ASIC2: variants seen among roughly 807,000 people sequenced by gnomAD.
ASIC2 encodes the protein acid-sensing ion channel 2.
A neutral mutation model predicts 57.3 loss-of-function variants in ASIC2; 25 were observed. That is an observed-to-expected ratio of 0.44 (90% CI 0.32 to 0.61). The LOEUF (loss-of-function observed/expected upper bound fraction) is 0.61. Ranked by LOEUF, ASIC2 falls within the 20% of genes least tolerant of loss-of-function variation. The pLI is 0.06. For missense variants in ASIC2, 641 were observed against 738.1 expected, an observed-to-expected ratio of 0.87 and a Z score of 1.52; for synonymous variants, 319 against 307.5, an observed-to-expected ratio of 1.04 and a Z score of -0.39.
intron 1 of ASIC2, among the ~76,000 whole-genome samples, chr17:33,225,215 T>C (rs920085510): frequency 7.9e-5 from 12 of 152,212 alleles, no homozygotes; most frequent in Admixed American, 4.6e-4. Flanking sequence ...ATGTTTGTTA[T>C]AGCAAGAAAC....
chr17:33,545,466 G>A (rs776503747), intron 1 of ASIC2, among the ~76,000 whole-genome samples: 3 of 152,046 alleles, frequency 2.0e-5, no homozygotes, highest in African/African-American at 4.8e-5. Flanking sequence ...TATTTTACCC[G>A]AGACGCGGAT....
chr17:33,645,498 C>G (rs918863627), intron 1 of ASIC2, among the ~76,000 whole-genome samples: 8 of 152,164 alleles, frequency 5.3e-5, no homozygotes, highest in African/African-American at 1.9e-4. Context: ...AACCTCAGTC[C>G]CAGACAAGCT....
intron 1 of ASIC2, among the ~76,000 whole-genome samples, chr17:34,048,595 C>T (rs1908424826): frequency 6.6e-6 from 1 of 152,224 alleles, no homozygotes; most frequent in Admixed American, 6.5e-5. Context: ...TTCTGAATCC[C>T]AGTTCTGGCA....
rs1205429633 is a variant in ASIC2, at chr17:33,062,438, G to A, written c.987+26425C>T. Among the ~76,000 whole-genome samples the A allele has an allele frequency of 2.0e-4, 30 of 152,202 alleles. 1 individual carries two copies. The highest frequency in any genetic ancestry group is 2.0e-3 in the Admixed American group (30 of 15,284). On this transcript the variant is annotated intron_variant, in intron 3 of 9. Coordinates refer to ENST00000225823, the MANE Select transcript of ASIC2 (RefSeq NM_183377.2). ...TTATGTACACAGTAGTCATTCAGGA[G>A]CAGCTTGTTCAGTTTCCAGGTAGTT... is the stretch of plus-strand genomic sequence containing the variant.
intron 1 of ASIC2, among the ~76,000 whole-genome samples, chr17:33,458,846 T>A (rs1381789477): frequency 6.6e-6 from 1 of 152,172 alleles, no homozygotes; most frequent in Non-Finnish European, 1.5e-5. Context: ...ATATCTTTAA[T>A]TTTCTTTTCC....
intron 1 of ASIC2, among the ~76,000 whole-genome samples, chr17:33,645,551 T>A (rs1431091289): frequency 6.6e-6 from 1 of 152,148 alleles, no homozygotes; most frequent in East Asian, 1.9e-4. Flanking sequence ...CTGACCAGCT[T>A]TTCTGGAGCC....
At chr17:33,880,279 GAC>G (rs1207499275) in intron 1 of ASIC2, among the ~76,000 whole-genome samples, 2 of 152,016 alleles carry the variant, frequency 1.3e-5, no homozygotes, top group Non-Finnish European at 2.9e-5. Context: ...AGGAAATAGA[GAC>G]ACAAAAAACC....
At chr17:34,111,466 C>G (rs1044728142) in intron 1 of ASIC2, among the ~76,000 whole-genome samples, 18 of 151,914 alleles carry the variant, frequency 1.2e-4, no homozygotes, top group Admixed American at 1.1e-3. Flanking sequence ...TGTCAAAATT[C>G]AAAAGTATAT....
At chr17:33,095,158 C>T (rs3928996) in intron 2 of ASIC2, among the ~76,000 whole-genome samples, 70,160 of 151,998 alleles carry the variant, frequency 0.46, 16,865 homozygotes, top group African/African-American at 0.6. Flanking sequence ...ACCATCATCA[C>T]CATGAATTCA....
At chr17:33,971,770 T>C (rs1021588469) in intron 1 of ASIC2, among the ~76,000 whole-genome samples, 1 of 152,212 alleles carries the variant, frequency 6.6e-6, no homozygotes, top group Admixed American at 6.5e-5. Flanking sequence ...GGACTCAAAC[T>C]TGGATCTTCA....
At chr17:33,698,416 T>C (rs187113576) in intron 1 of ASIC2, among the ~76,000 whole-genome samples, 14 of 152,324 alleles carry the variant, frequency 9.2e-5, no homozygotes, top group African/African-American at 3.1e-4. Context: ...GTCTGGCACA[T>C]AGGAAGTTTT....
At chr17:33,762,248 C>T (rs1344343928) in intron 1 of ASIC2, among the ~76,000 whole-genome samples, 1 of 152,096 alleles carries the variant, frequency 6.6e-6, no homozygotes, top group Non-Finnish European at 1.5e-5. Context: ...CACATTGGGT[C>T]CTGGGACCCA....
intron 1 of ASIC2, among the ~76,000 whole-genome samples, chr17:34,113,545 G>A (rs1273629836): frequency 1.4e-5 from 2 of 148,060 alleles, no homozygotes; most frequent in South Asian, 2.2e-4. Flanking sequence ...TATGGCAACA[G>A]AACAAAACTC....
rs73273250 is a variant in ASIC2 at position 33,497,882 on chromosome 17, C to T, written c.556-385815G>A. Among the ~76,000 whole-genome samples, 733 of 152,280 alleles carry T rather than the reference C, an allele frequency of 4.8e-3. 9 individuals carry two copies. Among genetic ancestry groups the T allele is most frequent in the African/African-American group, 0.017 (704 of 41,548 alleles). Reference sequence around the variant, plus strand: ...GTGTCACTAGAAGGCCAGATATGGGCACCTCTCTTCCCCACAAGCTCTGAA... The same window carrying T: ...GTGTCACTAGAAGGCCAGATATGGGTACCTCTCTTCCCCACAAGCTCTGAA... On this transcript the variant is annotated intron_variant, in intron 1 of 9. Coordinates refer to the ASIC2 transcript ENST00000359872.
At position 33,656,527 on chromosome 17, in the gene ASIC2, C is replaced by T. The variant is rs543648387; in HGVS notation, c.555+499451G>A. 3.9e-5 allele frequency among the ~76,000 whole-genome samples: 6 copies of T among 152,316 alleles called. No individual in the cohort carries two copies. The East Asian group carries it at 1.2e-3, about 29-fold the overall frequency. Reference sequence around the variant, plus strand: ...CAGCAAGTCTGAAGTATGCCCACTGCACTTAGTGGGTATCTCCAAACCTGC... The same window carrying T: ...CAGCAAGTCTGAAGTATGCCCACTGTACTTAGTGGGTATCTCCAAACCTGC... On this transcript the variant is annotated intron_variant, in intron 1 of 9. Transcript: ENST00000359872.
intron 1 of ASIC2, among the ~76,000 whole-genome samples, chr17:33,851,674 T>C (rs1235659353): frequency 6.6e-6 from 1 of 152,168 alleles, no homozygotes; most frequent in Non-Finnish European, 1.5e-5. Flanking sequence ...CCTCGTAGGA[T>C]ATTTAGCTCA....
chr17:33,856,484 C>CAGTAGCAGTGGTGGTGGTGGTAGT (rs1913937694), intron 1 of ASIC2, among the ~76,000 whole-genome samples: 3 of 16,504 alleles, frequency 1.8e-4, no homozygotes, highest in South Asian at 3.0e-3. Flanking sequence ...GTGGTGGTGG[C>CAGTAGCAGTGGTGGTGGTGGTAGT]AGTAGTAATA....
chr17:33,348,103 C>A (rs1323175443), intron 1 of ASIC2, among the ~76,000 whole-genome samples: 1 of 151,468 alleles, frequency 6.6e-6, no homozygotes, highest in Non-Finnish European at 1.5e-5. Flanking sequence ...CTGTCTCAAA[C>A]AAACAAACAA....
intron 1 of ASIC2, among the ~76,000 whole-genome samples, chr17:34,015,147 GATCT>G (rs940592639): frequency 2.0e-5 from 3 of 148,300 alleles, no homozygotes; most frequent in Non-Finnish European, 3.0e-5. Flanking sequence ...GGGCTCAAGA[GATCT>G]ATCTGCCTTG....
Sources: gnomAD v4.1 joint callset for allele counts (sites outside exome capture counted in the v4.1 genomes callset) on GRCh38, gnomAD v4.1.1 for gene constraint, MANE v1.5 for transcripts, NCBI Gene and HGNC (gene_info 2026-07-23, HGNC 2026-07-21) for gene names.